MAGI2: variants seen among roughly 807,000 people sequenced by gnomAD.
MAGI2 encodes the protein membrane associated guanylate kinase, WW and PDZ domain containing 2.
A neutral mutation model predicts 133.3 loss-of-function variants in MAGI2; 35 were observed. The observed-to-expected ratio is 0.26, with a 90% CI of 0.20 to 0.35. MAGI2 has a LOEUF of 0.35. Among genes scored for constraint, MAGI2 ranks in the 10% least tolerant of loss-of-function variants. The pLI is 1.00. For synonymous variants in MAGI2, 729 were observed against 710.6 expected, an observed-to-expected ratio of 1.03 and a Z score of -0.41; for missense variants, 1,636 against 1,863.4, an observed-to-expected ratio of 0.88 and a Z score of 2.25.
At chr7:78,850,546 C>T (rs769656795) in intron 2 of MAGI2, among the ~76,000 whole-genome samples, 1 of 152,088 alleles carries the variant, frequency 6.6e-6, no homozygotes, top group Admixed American at 6.6e-5. Flanking sequence ...TTTAGTGATA[C>T]ACGTTCCCAG....
intron 3 of MAGI2, among the ~76,000 whole-genome samples, chr7:78,604,134 C>G (rs1039989680): frequency 9.9e-5 from 15 of 152,086 alleles, no homozygotes; most frequent in African/African-American, 1.7e-4. Context: ...ATTGATGAAA[C>G]AGTCATGGAG....
At chr7:78,108,657 TGTGTGTGTGTGTATACACAC>T (rs1158797334) in intron 20 of MAGI2, among the ~76,000 whole-genome samples, 11 of 151,724 alleles carry the variant, frequency 7.3e-5, no homozygotes. Flanking sequence ...TGTGTGTGTG[TGTGTGTGTGTGTATACACAC>T]ATATATGTGA....
intron 6 of MAGI2, among the ~76,000 whole-genome samples, chr7:78,398,900 C>A (rs928126884): frequency 6.6e-6 from 1 of 152,154 alleles, no homozygotes; most frequent in Non-Finnish European, 1.5e-5. Flanking sequence ...GTCTTCCTTG[C>A]CCGTTTAATT....
intron 9 of MAGI2, among the ~76,000 whole-genome samples, chr7:78,283,403 G>A (rs1795825103): frequency 6.6e-6 from 1 of 152,038 alleles, no homozygotes; most frequent in African/African-American, 2.4e-5. Flanking sequence ...AGAATTTAAG[G>A]TAGTATTTGC....
At chr7:79,092,395 A>C (rs1235359701) in intron 1 of MAGI2, among the ~76,000 whole-genome samples, 1 of 152,150 alleles carries the variant, frequency 6.6e-6, no homozygotes, top group Non-Finnish European at 1.5e-5. Context: ...TAATCCTATG[A>C]TTTTGATATT....
chr7:78,319,447 C>G (rs578066381), intron 9 of MAGI2, among the ~76,000 whole-genome samples: 1 of 152,306 alleles, frequency 6.6e-6, no homozygotes, highest in African/African-American at 2.4e-5. Flanking sequence ...ACAGTGCAAT[C>G]AAATTAGAAT....
chr7:79,403,426 C>A (rs1845600685), intron 1 of MAGI2, among the ~76,000 whole-genome samples: 1 of 151,640 alleles, frequency 6.6e-6, no homozygotes, highest in Admixed American at 6.6e-5. Flanking sequence ...CTTGGAAAAC[C>A]TTTCTTGCTT....
intron 1 of MAGI2, among the ~76,000 whole-genome samples, chr7:79,296,759 G>T (rs1185794361): frequency 2.0e-5 from 3 of 152,018 alleles, no homozygotes; most frequent in African/African-American, 7.2e-5. Context: ...AGGAAGGTTG[G>T]GCAATGGGCA....
chr7:78,509,620 G>A (rs556954880), intron 4 of MAGI2, among the ~76,000 whole-genome samples: 114 of 152,210 alleles, frequency 7.5e-4, no homozygotes, highest in Non-Finnish European at 1.2e-3. Context: ...CAGCCATTCC[G>A]TTTGCTTTCT....
intron 10 of MAGI2, among the ~76,000 whole-genome samples, chr7:78,248,641 T>C (rs798360): frequency 0.2 from 30,124 of 151,990 alleles, 3,894 homozygotes; most frequent in East Asian, 0.37. Context: ...AATAGATTCA[T>C]TGGGGAAAGC....
rs141285937 is a variant in MAGI2 at position 78,155,936 on chromosome 7, G to T, written c.2845+4089C>A. The stretch of plus-strand genomic sequence containing the variant: ...ATTAGCTGAGCATCACCTGTGCTTG[G>T]CAAAGTTGTTGTCTTGGCTGAAGAA... On this transcript the variant is annotated intron_variant, in intron 16 of 21. Transcript: ENST00000354212. Among the ~76,000 whole-genome samples, 345 of 152,288 alleles carry T rather than the reference G, an allele frequency of 2.3e-3. 1 individual carries two copies. The highest frequency in any genetic ancestry group is 7.8e-3 in the African/African-American group (323 of 41,558).
intron 1 of MAGI2, among the ~76,000 whole-genome samples, chr7:79,447,335 A>G (rs537336509): frequency 6.6e-6 from 1 of 152,312 alleles, no homozygotes; most frequent in East Asian, 1.9e-4. Context: ...AATACTTACT[A>G]GAGACAGAAG....
At chr7:78,716,995 T>C (rs540606648) in intron 2 of MAGI2, among the ~76,000 whole-genome samples, 5 of 152,140 alleles carry the variant, frequency 3.3e-5, no homozygotes, top group African/African-American at 1.2e-4. Context: ...TGAAGAAACA[T>C]CTTGTGGGAC....
chr7:78,115,056 G>T (rs1819724704), intron 20 of MAGI2, among the ~76,000 whole-genome samples: 1 of 152,200 alleles, frequency 6.6e-6, no homozygotes, highest in Non-Finnish European at 1.5e-5. Context: ...TTGCTGAATA[G>T]GGAAGAAAGT....
At chr7:78,845,722 C>CA (rs1792538691) in intron 2 of MAGI2, among the ~76,000 whole-genome samples, 1 of 151,896 alleles carries the variant, frequency 6.6e-6, no homozygotes, top group South Asian at 2.1e-4. Context: ...TTGTTAAACA[C>CA]AGAGTTTGAA....
chr7:78,404,430 A>T (rs1041200389), intron 6 of MAGI2, among the ~76,000 whole-genome samples: 44 of 152,010 alleles, frequency 2.9e-4, no homozygotes, highest in Admixed American at 2.6e-4. Flanking sequence ...ACTACAAGGC[A>T]ACAGTAACCA....
intron 21 of MAGI2, among the ~76,000 whole-genome samples, chr7:78,059,938 A>G (rs1313831888): frequency 1.3e-5 from 2 of 152,088 alleles, no homozygotes; most frequent in African/African-American, 4.8e-5. Flanking sequence ...TCTCATTCAG[A>G]CAGACCTAAC....
intron 1 of MAGI2, among the ~76,000 whole-genome samples, chr7:79,189,140 G>A (rs1209973446): frequency 2.0e-5 from 3 of 151,400 alleles, no homozygotes; most frequent in Admixed American, 2.0e-4. Context: ...GTGATCATTA[G>A]GTCAAAGGCT....
At chr7:79,178,845 A>G (rs927178025) in intron 1 of MAGI2, among the ~76,000 whole-genome samples, 1 of 152,038 alleles carries the variant, frequency 6.6e-6, no homozygotes, top group African/African-American at 2.4e-5. Flanking sequence ...TTTTCAAAAG[A>G]ATATAGCAAA....
Sources: allele counts gnomAD v4.1 joint callset (sites outside exome capture counted in the v4.1 genomes callset), GRCh38; gene constraint gnomAD v4.1.1; transcripts MANE v1.5; gene names NCBI Gene and HGNC (gene_info 2026-07-23, HGNC 2026-07-21).